KCNIP4: variants seen among roughly 807,000 people sequenced by gnomAD.
KCNIP4 encodes the protein potassium voltage-gated channel interacting protein 4.
A neutral mutation model predicts 34.0 loss-of-function variants in KCNIP4; 12 were observed. The ratio of observed to expected loss-of-function variants is 0.35; its 90% confidence interval spans 0.23 to 0.57. The LOEUF is 0.57. Among genes scored for constraint, KCNIP4 ranks in the 20% least tolerant of loss-of-function variants. KCNIP4 has a pLI of 0.83. For missense variants in KCNIP4, 238 were observed against 311.7 expected (o/e 0.76, Z 1.78); for synonymous variants, 124 against 102.2 (o/e 1.21, Z -1.29).
intron 2 of KCNIP4, among the ~76,000 whole-genome samples, chr4:20,862,619 T>C (rs1722324522): frequency 6.6e-6 from 1 of 152,186 alleles, no homozygotes. Context: ...CAAACTTTGA[T>C]AGATTTTCTC....
intron 1 of KCNIP4, among the ~76,000 whole-genome samples, chr4:21,020,486 G>C (rs1280925209): frequency 6.6e-6 from 1 of 152,070 alleles, no homozygotes; most frequent in African/African-American, 2.4e-5. Flanking sequence ...CCTGTAGATA[G>C]GTAAACACCC....
At chr4:21,419,724 A>G (rs1725292078) in intron 1 of KCNIP4, among the ~76,000 whole-genome samples, 1 of 152,066 alleles carries the variant, frequency 6.6e-6, no homozygotes, top group African/African-American at 2.4e-5. Flanking sequence ...TTTTTAGGTT[A>G]ATTCTATTAG....
At chr4:21,356,045 C>T (rs1718557836) in intron 1 of KCNIP4, among the ~76,000 whole-genome samples, 1 of 152,118 alleles carries the variant, frequency 6.6e-6, no homozygotes, top group South Asian at 2.1e-4. Flanking sequence ...GAACCAACGA[C>T]AAAAACCACG....
chr4:21,698,786 C>T (rs1390165838), intron 1 of KCNIP4, among the ~76,000 whole-genome samples: 5 of 152,088 alleles, frequency 3.3e-5, no homozygotes, highest in East Asian at 3.9e-4. Context: ...CTAGTTGAAA[C>T]TGATAATTCC....
chr4:20,914,856 C>T (rs144582712), intron 1 of KCNIP4, among the ~76,000 whole-genome samples: 5 of 152,176 alleles, frequency 3.3e-5, no homozygotes, highest in Non-Finnish European at 7.3e-5. Flanking sequence ...CAATCTGCTT[C>T]TTCTAAAATA....
intron 1 of KCNIP4, among the ~76,000 whole-genome samples, chr4:21,728,261 TAA>T (rs764530701): frequency 1.1e-4 from 17 of 152,214 alleles, no homozygotes; most frequent in Non-Finnish European, 2.5e-4. Context: ...CTCTGTTCCA[TAA>T]AGTCTTTCTT....
At chr4:20,908,333 C>G (rs1182463837) in intron 1 of KCNIP4, among the ~76,000 whole-genome samples, 1 of 152,110 alleles carries the variant, frequency 6.6e-6, no homozygotes, top group African/African-American at 2.4e-5. Context: ...CTCCTGACCT[C>G]GTGATCCGCC....
chr4:21,166,460 T>C (rs371272485), intron 1 of KCNIP4, among the ~76,000 whole-genome samples: 7 of 152,098 alleles, frequency 4.6e-5, no homozygotes, highest in Non-Finnish European at 1.0e-4. Flanking sequence ...GTGCTAGTGG[T>C]AAAGTAGTTT....
intron 1 of KCNIP4, among the ~76,000 whole-genome samples, chr4:20,961,712 G>A (rs571687810): frequency 2.0e-5 from 3 of 152,260 alleles, no homozygotes; most frequent in East Asian, 3.9e-4. Context: ...CAATTACCCT[G>A]AAAATTCTGA....
chr4:21,064,074 C>T (rs564445797), intron 1 of KCNIP4, among the ~76,000 whole-genome samples: 8 of 152,128 alleles, frequency 5.3e-5, no homozygotes, highest in East Asian at 3.9e-4. Flanking sequence ...TTTCATTTCA[C>T]GGTTTGTCAC....
chr4:21,617,130 C>T (rs1744661751), intron 1 of KCNIP4, among the ~76,000 whole-genome samples: 1 of 152,082 alleles, frequency 6.6e-6, no homozygotes. Flanking sequence ...AGTATTTTTA[C>T]CAAAACTGTC....
intron 1 of KCNIP4, among the ~76,000 whole-genome samples, chr4:21,298,785 C>A (rs1324052705): frequency 6.6e-6 from 1 of 152,100 alleles, no homozygotes; most frequent in Non-Finnish European, 1.5e-5. Flanking sequence ...AGTACACATG[C>A]TTATGCTTGT....
intron 1 of KCNIP4, among the ~76,000 whole-genome samples, chr4:21,600,308 T>C (rs1743004994): frequency 6.6e-6 from 1 of 152,136 alleles, no homozygotes; most frequent in Non-Finnish European, 1.5e-5. Flanking sequence ...GCTCAAACTT[T>C]CATAATTACT....
chr4:21,594,250 A>G (rs1299803126), intron 1 of KCNIP4, among the ~76,000 whole-genome samples: 2 of 152,154 alleles, frequency 1.3e-5, no homozygotes, highest in African/African-American at 4.8e-5. Flanking sequence ...GGATATTATT[A>G]TAGAGTTTAG....
intron 1 of KCNIP4, among the ~76,000 whole-genome samples, chr4:21,924,984 T>C (rs762265350): frequency 6.6e-6 from 1 of 152,148 alleles, no homozygotes; most frequent in Non-Finnish European, 1.5e-5. Flanking sequence ...CTAATCTCTC[T>C]TGCATCACCT....
rs142228882 is a variant in KCNIP4, at chr4:21,764,995, A to G, written c.61+183576T>C. 3.0e-4 allele frequency among the ~76,000 whole-genome samples: 45 copies of G among 152,202 alleles called. No homozygotes were observed. The East Asian group carries it at 7.2e-3, about 24-fold the overall frequency. Reference sequence around the variant, plus strand: ...GCTCTATGAGACCCATATCACAGCCATGTCAACTTGGGATGGAGCCTAGTG... The same window carrying G: ...GCTCTATGAGACCCATATCACAGCCGTGTCAACTTGGGATGGAGCCTAGTG... On this transcript the variant is annotated intron_variant, in intron 1 of 8. Coordinates refer to ENST00000382152, the MANE Select transcript of KCNIP4 (RefSeq NM_025221.6).
chr4:21,000,235 C>T (rs1478476763), intron 1 of KCNIP4, among the ~76,000 whole-genome samples: 1 of 152,098 alleles, frequency 6.6e-6, no homozygotes, highest in Admixed American at 6.5e-5. Flanking sequence ...CCAAAACCAC[C>T]ATCCTCTCCT....
chr4:21,066,347 A>G, intron 1 of KCNIP4, among the ~76,000 whole-genome samples: 1 of 152,190 alleles, frequency 6.6e-6, no homozygotes, highest in East Asian at 1.9e-4. Flanking sequence ...TCTCTTCTGC[A>G]GGAACACCAC....
intron 1 of KCNIP4, among the ~76,000 whole-genome samples, chr4:20,999,566 G>T (rs1230392936): frequency 1.3e-5 from 2 of 151,736 alleles, no homozygotes; most frequent in African/African-American, 4.8e-5. Context: ...GTGATTGAGG[G>T]TTTGGGGGAA....
Sources: allele counts gnomAD v4.1 joint callset (sites outside exome capture counted in the v4.1 genomes callset), GRCh38; gene constraint gnomAD v4.1.1; transcripts MANE v1.5; gene names NCBI Gene and HGNC (gene_info 2026-07-23, HGNC 2026-07-21).